Variants in VAV3 observed in about 807,000 individuals in gnomAD.
VAV3 encodes the protein guanine nucleotide exchange factor VAV3.
In VAV3, 94 loss-of-function variants were observed where a neutral mutation model predicts 131.2. That is an observed-to-expected ratio of 0.72 (90% confidence interval 0.61 to 0.85). The LOEUF is 0.85. Ranked by LOEUF, VAV3 falls within the 40% of genes least tolerant of loss-of-function variation. The pLI, the probability that VAV3 is intolerant of heterozygous loss-of-function variation, is 0.00. For synonymous variants in VAV3, 349 were observed against 342.0 expected (o/e 1.02, Z -0.22); for missense variants, 939 against 1,002.7 (o/e 0.94, Z 0.86).
intron 1 of VAV3, among the ~76,000 whole-genome samples, chr1:107,954,737 G>A (rs1235843091): frequency 6.7e-6 from 1 of 148,302 alleles, no homozygotes; most frequent in Non-Finnish European, 1.5e-5. Flanking sequence ...CTCCTCCAAG[G>A]GAGCCCCACA....
At chr1:107,769,635 C>T (rs1003193413) in intron 6 of VAV3, among the ~76,000 whole-genome samples, 2 of 152,180 alleles carry the variant, frequency 1.3e-5, no homozygotes, top group Non-Finnish European at 2.9e-5. Flanking sequence ...ATGCCTGATT[C>T]ATATACCTAA....
intron 2 of VAV3, among the ~76,000 whole-genome samples, chr1:107,858,654 G>T (rs1284028462): frequency 6.6e-6 from 1 of 152,170 alleles, no homozygotes; most frequent in African/African-American, 2.4e-5. Context: ...AATGTCTGAT[G>T]ATCTGAAGTG....
rs1652657655 is a variant in VAV3 at position 107,610,648 on chromosome 1, C to T, written c.1981-683G>A. On this transcript the variant is annotated intron_variant, in intron 21 of 26. Transcript: ENST00000370056. ...TTTCCATTTGTTTCACATAGAGCTT[C>T]GCACAAGGAAAAATATTGCATTTGC... is the stretch of plus-strand genomic sequence containing the variant. Among the ~76,000 whole-genome samples the T allele has an allele frequency of 4.6e-5, 7 of 152,144 alleles. No individual in the cohort carries two copies. The South Asian group carries it at 1.0e-3, about 23-fold the overall frequency.
chr1:107,675,917 T>C (rs1001723585), intron 19 of VAV3, among the ~76,000 whole-genome samples: 2 of 152,194 alleles, frequency 1.3e-5, no homozygotes, highest in African/African-American at 4.8e-5. Context: ...GGAATAAACC[T>C]TTGTTGGGAA....
intron 1 of VAV3, among the ~76,000 whole-genome samples, chr1:107,920,813 T>C (rs930477886): frequency 6.6e-6 from 1 of 152,222 alleles, no homozygotes; most frequent in South Asian, 2.1e-4. Flanking sequence ...CTTACGATTA[T>C]TTGTGTGTGT....
chr1:107,750,123 G>A lies in VAV3; in HGVS notation c.1260-529C>T, dbSNP rs1663619526. ...GAGGAGGAAACTGAGGCTTAGAGAAGTTAGATAATTTGCTCAAGATCACAC... is the reference window on the plus strand; with the variant it reads ...GAGGAGGAAACTGAGGCTTAGAGAAATTAGATAATTTGCTCAAGATCACAC... On this transcript the variant is annotated intron_variant, in intron 13 of 26. Coordinates refer to ENST00000370056, the MANE Select transcript of VAV3 (RefSeq NM_006113.5). Among the ~76,000 whole-genome samples, 3 of 152,106 alleles carry A rather than the reference G, an allele frequency of 2.0e-5. No homozygotes were observed. The South Asian group carries it at 6.2e-4, about 32-fold the overall frequency.
chr1:107,588,728 T>C (rs1364606905), intron 25 of VAV3, among the ~76,000 whole-genome samples: 4 of 152,234 alleles, frequency 2.6e-5, no homozygotes, highest in African/African-American at 9.6e-5. Flanking sequence ...TTCATGGTAC[T>C]TCTCACAGGG....
chr1:107,958,679 C>A (rs985806462), intron 1 of VAV3, among the ~76,000 whole-genome samples: 1 of 151,958 alleles, frequency 6.6e-6, no homozygotes, highest in Non-Finnish European at 1.5e-5. Context: ...GAAGCAAGTG[C>A]AGGTTTGTTA....
At position 107,766,487 on chromosome 1, in the gene VAV3, C is replaced by A; in HGVS notation, c.781G>T (p.Asp261Tyr). Residue 261 changes from aspartate to tyrosine, a missense_variant, in exon 8 of 27, where the codon GAC (aspartate) becomes TAC (tyrosine). Physicochemically the swap from Asp to Tyr is radical, Grantham distance 160 (BLOSUM62 -3). Transcript: ENST00000370056. ...EIHDSIVNKN[D>Y]QNLYQVFINY... ...ATAAAAACTTGGTACAAGTTCTGGT[C>A]ATTTTTATTTACAATGGAATCATGA... 1 of 1,613,402 alleles carries A rather than the reference C, an allele frequency of 6.2e-7. No individual in the cohort carries two copies. The highest frequency in any genetic ancestry group is 1.1e-5 in the South Asian group (1 of 90,926).
chr1:107,659,210 C>A (rs946986078), intron 19 of VAV3, among the ~76,000 whole-genome samples: 2 of 151,712 alleles, frequency 1.3e-5, no homozygotes, highest in Admixed American at 6.6e-5. Flanking sequence ...ATAGGGAATC[C>A]TTTATATTTT....
At chr1:107,863,893 C>T (rs1489650314) in intron 2 of VAV3, among the ~76,000 whole-genome samples, 2 of 152,154 alleles carry the variant, frequency 1.3e-5, no homozygotes, top group East Asian at 1.9e-4. Context: ...GACGTAAAAT[C>T]TAGGTGATAT....
intron 11 of VAV3, 74 bp downstream of exon 11, chr1:107,757,187 G>GTGTATATA (rs869175769): frequency 6.5e-5 from 53 of 814,516 alleles, no homozygotes; most frequent in Middle Eastern, 4.8e-4. Context: ...GTGTGTGTGT[G>GTGTATATA]TATGCAATTT....
intron 4 of VAV3, 55 bp from the exon 5 acceptor site, chr1:107,772,898 G>A (rs1570932530): frequency 7.1e-7 from 1 of 1,400,778 alleles, no homozygotes; most frequent in Non-Finnish European, 9.9e-7. Flanking sequence ...AAATGCAATA[G>A]CTACAAATAG....
intron 25 of VAV3, among the ~76,000 whole-genome samples, chr1:107,575,552 C>G (rs760348817): frequency 1.2e-4 from 18 of 152,150 alleles, no homozygotes; most frequent in Non-Finnish European, 2.6e-4. Context: ...GTTCAGGACA[C>G]AAACCACTTT....
At chr1:107,621,159 C>G (rs1017934332) in intron 20 of VAV3, among the ~76,000 whole-genome samples, 3 of 150,540 alleles carry the variant, frequency 2.0e-5, no homozygotes, top group African/African-American at 7.3e-5. Context: ...TTTCACTAAA[C>G]AGGCTGCCAA....
At chr1:107,744,357 GATGGCAT>G (rs1437816495) in intron 15 of VAV3, among the ~76,000 whole-genome samples, 3 of 152,184 alleles carry the variant, frequency 2.0e-5, no homozygotes, top group Non-Finnish European at 2.9e-5. Flanking sequence ...TCACAGTAGT[GATGGCAT>G]ATGCATCTCA....
chr1:107,742,266 A>G (rs1307558641), intron 15 of VAV3, among the ~76,000 whole-genome samples: 1 of 152,166 alleles, frequency 6.6e-6, no homozygotes, highest in African/African-American at 2.4e-5. Context: ...TGGTTGTCAG[A>G]AAACTTACAG....
At position 107,964,889 on chromosome 1, in the gene VAV3, C is replaced by G; in HGVS notation, c.-20G>C. The G allele has an allele frequency of 4.9e-6, 7 of 1,431,750 alleles. No individual in the cohort carries two copies. The highest frequency in any genetic ancestry group is 6.5e-6 in the Non-Finnish European group (7 of 1,078,938). The allele number at this position is 1,431,750 out of a possible 1,614,324, so 88.7% of individuals were successfully genotyped here. A position where few individuals can be genotyped will look rare whatever the true frequency, so the allele number is the denominator to read the frequency against. On this transcript the variant is annotated 5_prime_UTR_variant, in exon 1 of 27. Coordinates refer to ENST00000370056, the MANE Select transcript of VAV3 (RefSeq NM_006113.5). ...CTCCATGCCCGACGGCTCCGGGACG[C>G]GGCTGGGCCGGGGCGGGCGGCAAGG...
At chr1:107,926,340 T>C (rs187258924) in intron 1 of VAV3, among the ~76,000 whole-genome samples, 19 of 151,840 alleles carry the variant, frequency 1.3e-4, no homozygotes, top group Non-Finnish European at 2.4e-4. Context: ...TGGCCAAACA[T>C]AGGACAAGTT....
Sources: allele counts gnomAD v4.1 joint callset (sites outside exome capture counted in the v4.1 genomes callset), GRCh38; gene constraint gnomAD v4.1.1; transcripts MANE v1.5; gene names NCBI Gene and HGNC (gene_info 2026-07-23, HGNC 2026-07-21).